The following MAGI2 variants were observed in gnomAD, a reference collection of about 807,000 sequenced individuals.
MAGI2 encodes membrane-associated guanylate kinase, WW and PDZ domain-containing protein 2.
Under a neutral mutation model 133.3 loss-of-function variants are expected in MAGI2, and 35 were observed. The ratio of observed to expected loss-of-function variants is 0.26; its 90% CI spans 0.20 to 0.35. MAGI2 has a LOEUF of 0.35. Among genes scored for constraint, MAGI2 ranks in the 10% least tolerant of loss-of-function variants. The pLI, the probability that MAGI2 is intolerant of heterozygous loss-of-function variation, is 1.00. For synonymous variants in MAGI2, 729 were observed against 710.6 expected (o/e 1.03, Z -0.41); for missense variants, 1,636 against 1,863.4 (o/e 0.88, Z 2.25).
intron 9 of MAGI2, among the ~76,000 whole-genome samples, chr7:78,323,628 GT>G (rs561602862): frequency 2.0e-5 from 3 of 151,790 alleles, no homozygotes; most frequent in African/African-American, 4.8e-5. Flanking sequence ...TATGGTCATA[GT>G]TTTTTTTGTG....
At chr7:79,367,069 C>G (rs1214224811) in intron 1 of MAGI2, among the ~76,000 whole-genome samples, 1 of 152,156 alleles carries the variant, frequency 6.6e-6, no homozygotes, top group East Asian at 1.9e-4. Flanking sequence ...GAGGGTGAAC[C>G]CTTGCAAATT....
chr7:78,564,625 T>C (rs908172288), intron 3 of MAGI2, among the ~76,000 whole-genome samples: 14 of 152,088 alleles, frequency 9.2e-5, no homozygotes, highest in Non-Finnish European at 7.4e-5. Context: ...TATATAACTG[T>C]GATTAGAAAA....
In MAGI2 at chr7:79,152,974, A is replaced by T. The variant is rs536266747; in HGVS notation, c.302-145768T>A. ...TATATTATGAACTTCTTTATATAAC[A>T]ATTTCTATTTTATTAATTTTGGTAT... On this transcript the variant is annotated intron_variant, in intron 1 of 21. Coordinates refer to ENST00000354212, the MANE Select transcript of MAGI2 (RefSeq NM_012301.4). 3.3e-5 allele frequency among the ~76,000 whole-genome samples: 5 copies of T among 152,328 alleles called. No homozygotes were observed. In the East Asian group the frequency reaches 7.7e-4, roughly 23 times the overall value.
chr7:79,278,681 A>G (rs1437082675), intron 1 of MAGI2, among the ~76,000 whole-genome samples: 1 of 152,142 alleles, frequency 6.6e-6, no homozygotes, highest in African/African-American at 2.4e-5. Context: ...ACAAGGGTAA[A>G]TGTGGTACTT....
chr7:78,470,373 G>A (rs1225518412), intron 6 of MAGI2, among the ~76,000 whole-genome samples: 1 of 152,068 alleles, frequency 6.6e-6, no homozygotes, highest in Non-Finnish European at 1.5e-5. Flanking sequence ...ACAGGAAATT[G>A]GGACATAAGT....
rs10485910 is a variant in MAGI2 at position 78,685,365 on chromosome 7, G to A, written c.419-58126C>T. On this transcript the variant is annotated intron_variant, in intron 2 of 21. Coordinates refer to ENST00000354212, the MANE Select transcript of MAGI2 (RefSeq NM_012301.4). The stretch of plus-strand genomic sequence containing the variant: ...CTTAAGTTTTTTTTCCTTTCTTTCC[G>A]GCTCAAAATATCAAGTTAGGTTCAC... Among the ~76,000 whole-genome samples the A allele has an allele frequency of 7.4e-3, 1,116 of 151,388 alleles. 10 individuals are homozygous for A. The highest frequency in any genetic ancestry group is 0.026 in the African/African-American group (1,054 of 41,254).
intron 2 of MAGI2, among the ~76,000 whole-genome samples, chr7:78,834,660 T>C (rs1791461868): frequency 6.6e-6 from 1 of 152,204 alleles, no homozygotes; most frequent in South Asian, 2.1e-4. Context: ...AAAAGCTTTA[T>C]GTATAATGCT....
At chr7:78,300,827 G>T (rs1017464027) in intron 9 of MAGI2, among the ~76,000 whole-genome samples, 1 of 152,132 alleles carries the variant, frequency 6.6e-6, no homozygotes, top group Non-Finnish European at 1.5e-5. Context: ...GTATCTAAAA[G>T]TTCCTTGGAA....
chr7:78,898,009 C>A (rs1452000279), intron 2 of MAGI2, among the ~76,000 whole-genome samples: 1 of 151,912 alleles, frequency 6.6e-6, no homozygotes, highest in East Asian at 1.9e-4. Context: ...AACAAAGAAC[C>A]CTATTAAAGA....
rs1798688422 is a variant in MAGI2 at position 78,915,074 on chromosome 7, T to C, written c.418+92016A>G. Among the ~76,000 whole-genome samples, 2 of 152,116 alleles carry C rather than the reference T, an allele frequency of 1.3e-5. 1 individual carries two copies. Among genetic ancestry groups the C allele is most frequent in the African/African-American group, 4.8e-5 (2 of 41,430 alleles). ...GGAGGAGTAGGTAGAGAAAATGCCC[T>C]GGAGAAAACTTTCTGCATTATCTCC... is the stretch of plus-strand genomic sequence containing the variant. On this transcript the variant is annotated intron_variant, in intron 2 of 21. Transcript: ENST00000354212.
intron 2 of MAGI2, among the ~76,000 whole-genome samples, chr7:78,685,340 C>A (rs2151105317): frequency 6.6e-6 from 1 of 152,152 alleles, no homozygotes; most frequent in East Asian, 1.9e-4. Flanking sequence ...TCAAGTGTCC[C>A]TTAAGTTTTT....
chr7:78,049,345 A>G lies in MAGI2; in HGVS notation c.3707-29369T>C, dbSNP rs536351280. Among the ~76,000 whole-genome samples, 48 of 152,350 alleles carry G rather than the reference A, an allele frequency of 3.2e-4. 1 individual carries two copies. Among genetic ancestry groups the G allele is most frequent in the Admixed American group, 3.1e-3 (48 of 15,306 alleles). On this transcript the variant is annotated intron_variant, in intron 21 of 21. Coordinates refer to ENST00000354212, the MANE Select transcript of MAGI2 (RefSeq NM_012301.4). ...AACAAGTGTAAAGATGAGGAATAAGAGGAGCTTAAATTCATCTTTGGCTCA... is the reference window on the plus strand; with the variant it reads ...AACAAGTGTAAAGATGAGGAATAAGGGGAGCTTAAATTCATCTTTGGCTCA...
intron 1 of MAGI2, among the ~76,000 whole-genome samples, chr7:79,252,150 C>A: frequency 1.3e-5 from 1 of 78,026 alleles, no homozygotes. Context: ...GAATGAGACC[C>A]TGTCTCAAAA....
At chr7:78,205,022 A>G (rs769589773) in intron 10 of MAGI2, among the ~76,000 whole-genome samples, 6 of 152,254 alleles carry the variant, frequency 3.9e-5, no homozygotes, top group Non-Finnish European at 8.8e-5. Context: ...ACAGACACAC[A>G]TTGCAAATTG....
At chr7:79,182,001 A>G (rs747553043) in intron 1 of MAGI2, among the ~76,000 whole-genome samples, 2 of 151,974 alleles carry the variant, frequency 1.3e-5, no homozygotes, top group African/African-American at 4.8e-5. Flanking sequence ...TTCATTGTCC[A>G]TATTATTATC....
chr7:78,183,330 A>G (rs1827370384), intron 13 of MAGI2, among the ~76,000 whole-genome samples: 1 of 140,464 alleles, frequency 7.1e-6, no homozygotes, highest in African/African-American at 2.7e-5. Context: ...CAGTGGTGTG[A>G]TCTTGGCTCA....
intron 4 of MAGI2, among the ~76,000 whole-genome samples, chr7:78,516,527 A>AT (rs1796057797): frequency 6.6e-6 from 1 of 152,062 alleles, no homozygotes; most frequent in East Asian, 1.9e-4. Context: ...TAATTTTTAT[A>AT]TTTTTTGTAG....
intron 2 of MAGI2, among the ~76,000 whole-genome samples, chr7:78,850,074 C>T (rs974249505): frequency 1.3e-5 from 2 of 152,010 alleles, no homozygotes; most frequent in Admixed American, 6.6e-5. Context: ...TGTATAGATG[C>T]TTGTCCTACA....
At chr7:79,011,924 C>CCTTCCTTT (rs1413880167) in intron 1 of MAGI2, among the ~76,000 whole-genome samples, 545 of 121,232 alleles carry the variant, frequency 4.5e-3, no homozygotes, top group Middle Eastern at 0.023. Context: ...TTCCTTCCTT[C>CCTTCCTTT]CTTTCTTTCT....
Sources: gnomAD v4.1 joint callset for allele counts (sites outside exome capture counted in the v4.1 genomes callset) on GRCh38, gnomAD v4.1.1 for gene constraint, MANE v1.5 for transcripts, NCBI Gene and HGNC (gene_info 2026-07-23, HGNC 2026-07-21) for gene names.